NUGGC: variants seen among roughly 807,000 people sequenced by gnomAD.
The protein encoded by NUGGC is nuclear GTPase SLIP-GC.
NUGGC carries 58 observed loss-of-function variants against 92.6 expected under a neutral mutation model. The ratio of observed to expected loss-of-function variants is 0.63; its 90% CI spans 0.51 to 0.78. NUGGC has a LOEUF of 0.78. Among genes scored for constraint, NUGGC ranks in the 30% least tolerant of loss-of-function variants. The probability of loss-of-function intolerance (pLI) is 0.00; values close to 1 mark genes in which losing one functional copy is unlikely to be tolerated. For synonymous variants in NUGGC, 376 were observed against 366.4 expected (o/e 1.03, Z -0.30); for missense variants, 925 against 964.6 (o/e 0.96, Z 0.54).
At chr8:28,057,346 TTTG>T (rs199902312) in intron 9 of NUGGC, among the ~76,000 whole-genome samples, 8 of 150,168 alleles carry the variant, frequency 5.3e-5, no homozygotes, top group East Asian at 1.9e-4. Context: ...TTTTTTTTTT[TTTG>T]TTGTTGTTGT....
intron 6 of NUGGC, among the ~76,000 whole-genome samples, chr8:28,065,152 CTTTTTTTTTTTTTTT>C (rs5890398): frequency 5.0e-5 from 4 of 79,924 alleles, no homozygotes; most frequent in South Asian, 5.3e-4. Context: ...GAAATTGGAT[CTTTTTTTTTTTTTTT>C]TTTTTTTTTT....
chr8:28,045,526 C>T lies in NUGGC; in HGVS notation c.1446+1G>A. 1 of 1,611,506 alleles carries T rather than the reference C, an allele frequency of 6.2e-7. No individual in the cohort carries two copies. The highest frequency in any genetic ancestry group is 8.5e-7 in the Non-Finnish European group (1 of 1,179,388). On this transcript the variant is annotated splice_donor_variant, in intron 12 of 18. Coordinates refer to ENST00000413272, the MANE Select transcript of NUGGC (RefSeq NM_001010906.2). LOFTEE classifies it high-confidence loss of function. ...ATATGAAAACCCAGTGTCTTCCATA[C>T]CGGCAGGTTTTGCGTGGAGTTGAAA...
chr8:28,058,329 C>A, intron 8 of NUGGC, 53 bp from the exon 9 acceptor site: 2 of 356,100 alleles, frequency 5.6e-6, no homozygotes, highest in Non-Finnish European at 5.1e-6. Flanking sequence ...CTATGTGTCA[C>A]TGCAGTCTTT....
intron 17 of NUGGC, among the ~76,000 whole-genome samples, chr8:28,028,950 C>T (rs576293533): frequency 5.9e-5 from 9 of 152,258 alleles, no homozygotes; most frequent in South Asian, 4.1e-4. Flanking sequence ...ATACATCTCC[C>T]GCTGCCAGAA....
chr8:28,031,836 A>G (rs895601047), intron 14 of NUGGC, among the ~76,000 whole-genome samples: 9 of 152,270 alleles, frequency 5.9e-5, no homozygotes, highest in African/African-American at 1.9e-4. Context: ...GTTTCAGAAT[A>G]TCCCAGAAAT....
chr8:28,069,077 T>C (rs1810520737), intron 4 of NUGGC, among the ~76,000 whole-genome samples: 1 of 152,142 alleles, frequency 6.6e-6, no homozygotes, highest in Non-Finnish European at 1.5e-5. Context: ...ACATGAAGTA[T>C]TAATAGTGTT....
chr8:28,058,199 T>TA, intron 9 of NUGGC, 59 bp downstream of exon 9: 1 of 304,642 alleles, frequency 3.3e-6, no homozygotes, highest in Non-Finnish European at 5.9e-6. Context: ...CTCAAAAAAA[T>TA]AAAAAATAAA....
At chr8:28,071,374 T>G (rs1810585988) in intron 2 of NUGGC, among the ~76,000 whole-genome samples, 1 of 151,892 alleles carries the variant, frequency 6.6e-6, no homozygotes, top group South Asian at 2.1e-4. Flanking sequence ...CCAGAAAAAA[T>G]CACATCTTCT....
At chr8:28,083,389 T>C (rs1358186701) in intron 1 of NUGGC, among the ~76,000 whole-genome samples, 1 of 152,062 alleles carries the variant, frequency 6.6e-6, no homozygotes, top group Non-Finnish European at 1.5e-5. Flanking sequence ...CAACCAGTAC[T>C]CCTCAAAACT....
intron 10 of NUGGC, 113 bp from the exon 11 acceptor site, chr8:28,047,725 T>C: frequency 1.6e-6 from 1 of 610,530 alleles, no homozygotes; most frequent in South Asian, 2.2e-5. Context: ...TTTTCAGTTC[T>C]CCATGACCCT....
chr8:28,037,001 T>C (rs1157585328), intron 13 of NUGGC, among the ~76,000 whole-genome samples: 2 of 152,168 alleles, frequency 1.3e-5, no homozygotes, highest in African/African-American at 4.8e-5. Context: ...AGAACCACTA[T>C]TGTCTACAGA....
rs1809174482 is a variant in NUGGC at position 28,023,562 on chromosome 8, A to G, written c.2246-100T>C. On this transcript the variant is annotated intron_variant, in intron 18 of 18. Coordinates refer to ENST00000413272, the MANE Select transcript of NUGGC (RefSeq NM_001010906.2). ...ACAATCCTGTCACTTGTCCCAGAATATGAGATCTGGAGTGGTGCTTACAGA... is the reference window on the plus strand; with the variant it reads ...ACAATCCTGTCACTTGTCCCAGAATGTGAGATCTGGAGTGGTGCTTACAGA... 9.0e-6 allele frequency: 11 copies of G among 1,216,434 alleles called. No homozygotes were observed. The Admixed American group carries it at 1.9e-4, about 21-fold the overall frequency. The allele number at this position is 1,216,434 out of a possible 1,614,324, so 75.4% of individuals were successfully genotyped here. A position where few individuals can be genotyped will look rare whatever the true frequency, so the allele number is the denominator to read the frequency against.
At chr8:28,045,476 A>T in intron 12 of NUGGC, 51 bp downstream of exon 12, 1 of 1,549,360 alleles carries the variant, frequency 6.5e-7, no homozygotes, top group Non-Finnish European at 8.7e-7. Flanking sequence ...GGTAAAAGGA[A>T]ATGTCCTGCC....
chr8:28,031,326 A>G lies in NUGGC; in HGVS notation c.1825T>C (p.Ser609Pro), dbSNP rs757356436. The change falls in exon 15 of 19, where the codon TCC (serine) becomes CCC (proline). Residue 609 changes from serine (S) to proline (P), a missense_variant. Ser to Pro is a moderately conservative substitution (Grantham distance 74). Coordinates refer to ENST00000413272, the MANE Select transcript of NUGGC (RefSeq NM_001010906.2). ...LMPHIDAFKQ[S>P]LQEKMTEIGI... is the part of the protein sequence containing the mutation. ...ATTTCTGTCATTTTCTCCTGCAGGG[A>G]CTGCTTAAAAGCATCTATGTGAGGC... 50 of 1,613,814 alleles carry G rather than the reference A, an allele frequency of 3.1e-5. No individual in the cohort carries two copies. The highest frequency in any genetic ancestry group is 4.2e-5 in the Non-Finnish European group (49 of 1,179,804).
At chr8:28,050,810 C>CAA (rs11403959) in intron 10 of NUGGC, among the ~76,000 whole-genome samples, 63 of 131,348 alleles carry the variant, frequency 4.8e-4, no homozygotes, top group African/African-American at 8.0e-4. Context: ...GGCTCCGTCT[C>CAA]AAAAAAAAAA....
At chr8:28,068,532 G>A (rs1585597476) in intron 4 of NUGGC, 94 bp from the exon 5 acceptor site, 16 of 833,032 alleles carry the variant, frequency 1.9e-5, no homozygotes, top group East Asian at 1.1e-4. Context: ...TTCTAATCCC[G>A]GGCACGTCAC....
At position 28,047,506 on chromosome 8, in the gene NUGGC, C is replaced by A; in HGVS notation, c.1312+1G>T. 6.6e-7 allele frequency: 1 copy of A among 1,525,044 alleles called. No homozygotes were observed. Among genetic ancestry groups the A allele is most frequent in the Non-Finnish European group, 8.9e-7 (1 of 1,122,974 alleles). 94.5% of individuals were successfully genotyped at this position (1,525,044 alleles called of 1,614,324 possible). A position where few individuals can be genotyped will look rare whatever the true frequency, so the allele number is the denominator to read the frequency against. On this transcript the variant is annotated splice_donor_variant, in intron 11 of 18. Transcript: ENST00000413272. LOFTEE classifies it high-confidence loss of function. ...ATGGAGATTTAAAAAACATAAATTA[C>A]CCGTTTCCTCCTCGGTGAGGAGAGC...
chr8:28,027,326 T>C (rs1389793581), intron 17 of NUGGC, among the ~76,000 whole-genome samples: 1 of 152,168 alleles, frequency 6.6e-6, no homozygotes, highest in Non-Finnish European at 1.5e-5. Flanking sequence ...TGGTGCCAGC[T>C]GATCAAATCA....
chr8:28,041,110 G>C lies in NUGGC; in HGVS notation c.1552C>G (p.Gln518Glu). Residue 518 changes from glutamine to glutamate, a missense_variant, in exon 13 of 19, where the codon CAA (glutamine) becomes GAA (glutamate). By Grantham distance (29) the Gln-to-Glu change is conservative (BLOSUM62 2). Coordinates refer to ENST00000413272, the MANE Select transcript of NUGGC (RefSeq NM_001010906.2). ...QCFACMEQPLQEGVRTARTSY... is the reference protein window; with the variant it reads ...QCFACMEQPLEEGVRTARTSY... ...GTCCTGGCGGTCCTGACCCCTTCTTGCAGAGGCTGCTCCATGCAGGCGAAG... is the reference window on the plus strand; with the variant it reads ...GTCCTGGCGGTCCTGACCCCTTCTTCCAGAGGCTGCTCCATGCAGGCGAAG... The C allele has an allele frequency of 6.2e-7, 1 of 1,608,316 alleles. No individual in the cohort carries two copies. Among genetic ancestry groups the C allele is most frequent in the Non-Finnish European group, 8.5e-7 (1 of 1,177,606 alleles).
Sources: gnomAD v4.1 joint callset for allele counts (sites outside exome capture counted in the v4.1 genomes callset) on GRCh38, gnomAD v4.1.1 for gene constraint, MANE v1.5 for transcripts, NCBI Gene and HGNC (gene_info 2026-07-23, HGNC 2026-07-21) for gene names.